The following CCDC178 variants were observed in gnomAD, a reference collection of about 807,000 sequenced individuals.
CCDC178 encodes coiled-coil domain containing 178, also known as coiled-coil domain-containing protein 178.
In CCDC178, 126 loss-of-function variants were observed where a neutral mutation model predicts 117.4. The ratio of observed to expected loss-of-function variants is 1.07; its 90% CI spans 0.93 to 1.24. The LOEUF (loss-of-function observed/expected upper bound fraction) is 1.24. CCDC178 is among the 50% of genes most tolerant of loss of function. The probability of loss-of-function intolerance (pLI) is 0.00; values close to 1 mark genes in which losing one functional copy is unlikely to be tolerated. For missense variants in CCDC178, 1,030 were observed against 986.9 expected, an observed-to-expected ratio of 1.04 and a Z score of -0.59; for synonymous variants, 283 against 313.4, an observed-to-expected ratio of 0.90 and a Z score of 1.02.
intron 21 of CCDC178, among the ~76,000 whole-genome samples, chr18:33,013,031 T>C (rs1157185926): frequency 6.6e-6 from 1 of 152,160 alleles, no homozygotes; most frequent in African/African-American, 2.4e-5. Flanking sequence ...TTTGGCATAA[T>C]TTACATAATT....
intron 22 of CCDC178, among the ~76,000 whole-genome samples, chr18:32,965,947 A>C (rs1487350691): frequency 6.7e-6 from 1 of 148,916 alleles, no homozygotes; most frequent in Non-Finnish European, 1.5e-5. Context: ...TATATATAAA[A>C]ATATATAAGA....
intron 21 of CCDC178, among the ~76,000 whole-genome samples, chr18:33,022,044 T>TA (rs2056131005): frequency 6.6e-6 from 1 of 152,224 alleles, no homozygotes; most frequent in South Asian, 2.1e-4. Flanking sequence ...ACAAACATCT[T>TA]ACAAAAACAC....
At chr18:33,286,854 T>C (rs567881940) in intron 12 of CCDC178, among the ~76,000 whole-genome samples, 16 of 152,196 alleles carry the variant, frequency 1.1e-4, no homozygotes, top group Non-Finnish European at 2.2e-4. Flanking sequence ...GCCTTTTTTA[T>C]ATTACAAGAA....
intron 12 of CCDC178, among the ~76,000 whole-genome samples, chr18:33,275,529 G>A (rs1377208643): frequency 1.3e-5 from 2 of 148,166 alleles, no homozygotes; most frequent in East Asian, 4.1e-4. Context: ...GGGTAGCAAA[G>A]CCTAGGAAAA....
At chr18:33,265,693 G>A (rs1160216278) in intron 14 of CCDC178, among the ~76,000 whole-genome samples, 1 of 151,910 alleles carries the variant, frequency 6.6e-6, no homozygotes, top group Non-Finnish European at 1.5e-5. Context: ...GATATGTGGT[G>A]GGGGGTCTTT....
At chr18:32,998,161 G>A (rs1598770334) in intron 21 of CCDC178, among the ~76,000 whole-genome samples, 1 of 152,228 alleles carries the variant, frequency 6.6e-6, no homozygotes, top group East Asian at 1.9e-4. Context: ...GATAATCTGT[G>A]TGCTTGGAGG....
chr18:33,036,985 G>T (rs187805097), intron 21 of CCDC178, among the ~76,000 whole-genome samples: 1 of 151,986 alleles, frequency 6.6e-6, no homozygotes, highest in East Asian at 1.9e-4. Flanking sequence ...CGTGAAAGAA[G>T]GAGAGTCTTG....
At chr18:33,435,010 C>T (rs527379781) in intron 2 of CCDC178, among the ~76,000 whole-genome samples, 2 of 152,034 alleles carry the variant, frequency 1.3e-5, no homozygotes, top group Admixed American at 1.3e-4. Context: ...TATCTTTGAA[C>T]CCACAGCACC....
At chr18:33,386,113 T>C (rs1224987522) in intron 5 of CCDC178, among the ~76,000 whole-genome samples, 1 of 152,170 alleles carries the variant, frequency 6.6e-6, no homozygotes, top group Non-Finnish European at 1.5e-5. Flanking sequence ...AATGGATACA[T>C]TCCTGGACAC....
At chr18:32,950,166 A>G (rs1421842024) in intron 22 of CCDC178, among the ~76,000 whole-genome samples, 2 of 152,106 alleles carry the variant, frequency 1.3e-5, no homozygotes, top group Admixed American at 1.3e-4. Context: ...TCCAAGGGAG[A>G]CTTCTGTAAA....
intron 21 of CCDC178, among the ~76,000 whole-genome samples, chr18:33,089,659 A>T (rs2057432938): frequency 6.6e-6 from 1 of 152,224 alleles, no homozygotes; most frequent in Admixed American, 6.5e-5. Context: ...CAACCAACAG[A>T]TCACTTCAAT....
intron 15 of CCDC178, among the ~76,000 whole-genome samples, chr18:33,228,316 GT>G (rs1188175277): frequency 6.6e-6 from 1 of 152,018 alleles, no homozygotes; most frequent in African/African-American, 2.4e-5. Context: ...ATTCTTTGAA[GT>G]TTTTTTGTTT....
chr18:33,193,545 T>C (rs1322191226), intron 20 of CCDC178, among the ~76,000 whole-genome samples: 1 of 152,166 alleles, frequency 6.6e-6, no homozygotes, highest in East Asian at 1.9e-4. Context: ...GTACAAAACA[T>C]TGCAACATTT....
chr18:33,038,323 G>A (rs1358244460), intron 21 of CCDC178, among the ~76,000 whole-genome samples: 1 of 151,896 alleles, frequency 6.6e-6, no homozygotes, highest in African/African-American at 2.4e-5. Flanking sequence ...CTTGGAGTTA[G>A]ACTACAAAGC....
At chr18:33,365,728 G>C (rs2063194988) in intron 6 of CCDC178, among the ~76,000 whole-genome samples, 1 of 151,964 alleles carries the variant, frequency 6.6e-6, no homozygotes. Flanking sequence ...CCTAATGACT[G>C]ATATTGATTA....
chr18:33,362,467 C>T (rs995524526), intron 6 of CCDC178, among the ~76,000 whole-genome samples: 3 of 151,654 alleles, frequency 2.0e-5, no homozygotes, highest in Non-Finnish European at 4.4e-5. Context: ...AAAATGAACA[C>T]GTCTAGAGAT....
At chr18:33,084,988 C>T (rs979753694) in intron 21 of CCDC178, among the ~76,000 whole-genome samples, 9 of 151,978 alleles carry the variant, frequency 5.9e-5, no homozygotes, top group African/African-American at 2.2e-4. Flanking sequence ...TCCTTCATTC[C>T]TTAGGGCCTC....
chr18:32,995,254 T>C (rs1378056682), intron 21 of CCDC178, among the ~76,000 whole-genome samples: 1 of 152,220 alleles, frequency 6.6e-6, no homozygotes, highest in African/African-American at 2.4e-5. Context: ...GTAGTAGAAG[T>C]TGAATCTCTT....
intron 17 of CCDC178, among the ~76,000 whole-genome samples, chr18:33,224,261 A>T (rs891310144): frequency 1.3e-5 from 2 of 152,208 alleles, no homozygotes; most frequent in Non-Finnish European, 1.5e-5. Flanking sequence ...TGACAGGATT[A>T]ATACATGTTT....
Sources: allele counts gnomAD v4.1 joint callset (sites outside exome capture counted in the v4.1 genomes callset), GRCh38; gene constraint gnomAD v4.1.1; transcripts MANE v1.5; gene names NCBI Gene and HGNC (gene_info 2026-07-23, HGNC 2026-07-21).